Variants in ARSG observed in about 807,000 individuals in gnomAD.
ARSG encodes ASG.
In ARSG, 37 loss-of-function variants were observed where a neutral mutation model predicts 50.5. That is an observed-to-expected ratio of 0.73 (90% CI 0.56 to 0.96). ARSG has a LOEUF of 0.96. Ranked by LOEUF, ARSG falls within the 50% of genes least tolerant of loss-of-function variation. The pLI, the probability that ARSG is intolerant of heterozygous loss-of-function variation, is 0.00. For missense variants in ARSG, 629 were observed against 675.3 expected (o/e 0.93, Z 0.76); for synonymous variants, 225 against 254.6 (o/e 0.88, Z 1.11).
chr17:68,384,013 G>T (rs2080573926), intron 8 of ARSG, among the ~76,000 whole-genome samples: 1 of 152,170 alleles, frequency 6.6e-6, no homozygotes, highest in African/African-American at 2.4e-5. Context: ...GACATCAAAG[G>T]TTCCGTTTGC....
intron 1 of ARSG, among the ~76,000 whole-genome samples, chr17:68,276,116 CAG>C (rs1286153153): frequency 6.6e-6 from 1 of 151,468 alleles, no homozygotes; most frequent in Admixed American, 6.6e-5. Context: ...TTTTTTGAGA[CAG>C]AGTCTTGCTC....
At chr17:68,329,224 C>T (rs1461993475) in intron 2 of ARSG, among the ~76,000 whole-genome samples, 1 of 152,188 alleles carries the variant, frequency 6.6e-6, no homozygotes, top group East Asian at 1.9e-4. Flanking sequence ...AGGCCAGAAC[C>T]AGCTGGGGGT....
At chr17:68,334,106 G>A (rs1357000834) in intron 2 of ARSG, among the ~76,000 whole-genome samples, 1 of 152,184 alleles carries the variant, frequency 6.6e-6, no homozygotes, top group Non-Finnish European at 1.5e-5. Flanking sequence ...ACCTGTCAGT[G>A]CATATGTTGG....
intron 11 of ARSG, among the ~76,000 whole-genome samples, chr17:68,415,128 T>C (rs983874109): frequency 6.6e-6 from 1 of 152,188 alleles, no homozygotes; most frequent in African/African-American, 2.4e-5. Context: ...TGTCAGTTTG[T>C]GCTCTTTCAG....
intron 6 of ARSG, among the ~76,000 whole-genome samples, chr17:68,366,917 G>A (rs1568530123): frequency 6.6e-6 from 1 of 151,850 alleles, no homozygotes; most frequent in Non-Finnish European, 1.5e-5. Flanking sequence ...GCAGTGCCCC[G>A]CCACTCACCA....
upstream of ARSG, among the ~76,000 whole-genome samples, chr17:68,290,743 G>A (rs1345415221): frequency 1.3e-5 from 2 of 152,206 alleles, no homozygotes; most frequent in East Asian, 1.9e-4. Context: ...GGCTGAGCCT[G>A]GAGCCCCCGA....
intron 1 of ARSG, among the ~76,000 whole-genome samples, chr17:68,260,557 G>T (rs1425391979): frequency 6.6e-6 from 1 of 152,154 alleles, no homozygotes; most frequent in East Asian, 1.9e-4. Flanking sequence ...GCATGATCAC[G>T]GCTCACTGGA....
chr17:68,398,360 CATATTT>C (rs1203153749), intron 10 of ARSG, among the ~76,000 whole-genome samples: 1 of 152,142 alleles, frequency 6.6e-6, no homozygotes, highest in Non-Finnish European at 1.5e-5. Context: ...GATATACACA[CATATTT>C]ATATGCAGGT....
At chr17:68,428,798 A>G in the ARSG span, 1 of 1,555,496 alleles carries the variant, frequency 6.4e-7, no homozygotes, top group Non-Finnish European at 8.9e-7. Context: ...CAGCTCTCGA[A>G]AGGCTGTCTT....
the ARSG span, among the ~76,000 whole-genome samples, chr17:68,437,425 T>C: frequency 2.0e-5 from 3 of 151,776 alleles, no homozygotes; most frequent in African/African-American, 7.3e-5. Context: ...TGTGGTTGCA[T>C]GTGCCTGTAG....
At position 68,367,223 on chromosome 17, in the gene ARSG, T is replaced by C. The variant is rs1411391467; in HGVS notation, c.705-1325T>C. Among the ~76,000 whole-genome samples, 5 of 152,182 alleles carry C rather than the reference T, an allele frequency of 3.3e-5. No homozygotes were observed. The highest frequency in any genetic ancestry group is 7.4e-5 in the Non-Finnish European group (5 of 68,026). ...AGACGCCCCTGTCTTGGGACTTGTG[T>C]CCAGGGTTTTATGCATAGCAAAGAG... is the stretch of plus-strand genomic sequence containing the variant. On this transcript the variant is annotated intron_variant, in intron 6 of 11. Coordinates refer to ENST00000621439, the MANE Select transcript of ARSG (RefSeq NM_001267727.2). The surrounding 1 kb of genome is among the most constrained non-coding windows in gnomAD (Gnocchi z 4.5).
In ARSG at chr17:68,420,363, T is replaced by C. The variant is rs61999318; in HGVS notation, c.1478T>C (p.Ile493Thr). ...GTTCTTGCAGACGTCCTCCAAGACA[T>C]TGCCAACGACAACATCTCCAGCGCA... ...RKVLADVLQD[I>T]ANDNISSADY... Residue 493 changes from isoleucine (I) to threonine (T), a missense_variant, in exon 12 of 12, where the codon ATT (isoleucine) becomes ACT (threonine). Ile to Thr is a moderately conservative substitution (Grantham distance 89). Coordinates refer to ENST00000621439, the MANE Select transcript of ARSG (RefSeq NM_001267727.2). The C allele has an allele frequency of 3.0e-3, 4,845 of 1,614,120 alleles. 11 individuals are homozygous for C. The highest frequency in any genetic ancestry group is 3.6e-3 in the Non-Finnish European group (4,247 of 1,180,020).
Position 68,291,576 on chromosome 17 carries a change from C to T in ARSG, c.-552+8C>T, listed in dbSNP as rs1225569942. The T allele has an allele frequency of 6.6e-6, 1 of 150,968 alleles. No individual in the cohort carries two copies. The highest frequency in any genetic ancestry group is 1.5e-5 in the Non-Finnish European group (1 of 67,642). 9.4% of individuals were successfully genotyped at this position (150,968 alleles called of 1,614,324 possible). The stretch of plus-strand genomic sequence containing the variant: ...GGCTGGGGGTCACGAAAGGTAACCG[C>T]GTCGCGGTCCGGGGCCGGGCCGCCC... On this transcript the variant is annotated splice_region_variant and intron_variant, in intron 1 of 11. Coordinates refer to ENST00000621439, the MANE Select transcript of ARSG (RefSeq NM_001267727.2).
chr17:68,266,572 G>A (rs2075171341), intron 1 of ARSG, among the ~76,000 whole-genome samples: 2 of 150,984 alleles, frequency 1.3e-5, no homozygotes, highest in Admixed American at 1.3e-4. Flanking sequence ...CACTTTGAGA[G>A]GCCGAAGCAG....
chr17:68,428,392 C>A, the ARSG span: 1 of 171,384 alleles, frequency 5.8e-6, no homozygotes, highest in Admixed American at 5.9e-5. Context: ...CCACAACCGG[C>A]TAATTTTTGT....
At chr17:68,286,497 A>G (rs1555754384), upstream of ARSG, among the ~76,000 whole-genome samples, 1 of 151,172 alleles carries the variant, frequency 6.6e-6, no homozygotes, top group Non-Finnish European at 1.5e-5. Context: ...CCTACAGGAG[A>G]GCATTTTATT....
intron 1 of ARSG, among the ~76,000 whole-genome samples, chr17:68,266,244 T>G (rs2075156410): frequency 6.6e-6 from 1 of 151,926 alleles, no homozygotes; most frequent in Non-Finnish European, 1.5e-5. Context: ...TAATTTTTAT[T>G]TCCCTCTTCT....
chr17:68,433,673 T>G, the ARSG span: 10 of 927,300 alleles, frequency 1.1e-5, no homozygotes, highest in East Asian at 2.8e-4. Flanking sequence ...AGATGTATCC[T>G]GAAGAGCCTA....
chr17:68,388,463 G>A (rs2080830630), intron 9 of ARSG, among the ~76,000 whole-genome samples: 1 of 152,102 alleles, frequency 6.6e-6, no homozygotes, highest in South Asian at 2.1e-4. Flanking sequence ...GAGAACTACG[G>A]CTTTAGCGGA....
Sources: gnomAD v4.1 joint callset for allele counts (sites outside exome capture counted in the v4.1 genomes callset) on GRCh38, gnomAD v4.1.1 for gene constraint, Gnocchi (gnomAD v3.1) non-coding constraint, MANE v1.5 for transcripts, NCBI Gene and HGNC (gene_info 2026-07-23, HGNC 2026-07-21) for gene names.